The following KBTBD4 variants were observed in gnomAD, a reference collection of about 807,000 sequenced individuals.
KBTBD4 encodes the protein kelch repeat and BTB domain containing 4, also known as kelch repeat and BTB domain-containing protein 4.
A neutral mutation model predicts 43.9 loss-of-function variants in KBTBD4; 30 were observed. The observed-to-expected ratio is 0.68, with a 90% CI of 0.51 to 0.93. The LOEUF is 0.93. Ranked by LOEUF, KBTBD4 falls within the 40% of genes least tolerant of loss-of-function variation. The pLI is 0.00. For missense variants in KBTBD4, 575 were observed against 668.8 expected (o/e 0.86, Z 1.55); for synonymous variants, 258 against 256.9 (o/e 1.00, Z -0.04).
chr11:47,575,209 T>TAAAAA (rs751592990), intron 3 of KBTBD4, among the ~76,000 whole-genome samples: 2 of 91,250 alleles, frequency 2.2e-5, no homozygotes, highest in South Asian at 7.4e-4. Context: ...GAATCCGTCT[T>TAAAAA]AAAAAAAAAA....
chr11:47,575,562 G>A, intron 3 of KBTBD4, 31 bp downstream of exon 3: 1 of 1,325,786 alleles, frequency 7.5e-7, no homozygotes, highest in Non-Finnish European at 1.1e-6. Context: ...TGGAGAGTAT[G>A]CAGTCTCAAC....
chr11:47,574,553 A>G (rs2097255628), intron 3 of KBTBD4, among the ~76,000 whole-genome samples: 1 of 152,098 alleles, frequency 6.6e-6, no homozygotes, highest in East Asian at 1.9e-4. Flanking sequence ...TAATCTGGCC[A>G]TCAAAAAGAG....
In KBTBD4 at chr11:47,572,827, G is replaced by A; in HGVS notation, c.*103C>T. On this transcript the variant is annotated 3_prime_UTR_variant, in exon 4 of 4. Coordinates refer to ENST00000430070, the MANE Select transcript of KBTBD4 (RefSeq NM_018095.6). ...GAAGGGCTGAGGCACTGCCTTTCTAGTATGTGCCAAAAAAAACATAACTCT... is the reference window on the plus strand; with the variant it reads ...GAAGGGCTGAGGCACTGCCTTTCTAATATGTGCCAAAAAAAACATAACTCT... 2 of 1,281,892 alleles carry A rather than the reference G, an allele frequency of 1.6e-6. No individual in the cohort carries two copies. The highest frequency in any genetic ancestry group is 2.2e-6 in the Non-Finnish European group (2 of 929,952). 79.4% of individuals were successfully genotyped at this position (1,281,892 alleles called of 1,614,324 possible). A position where few individuals can be genotyped will look rare whatever the true frequency, so the allele number is the denominator to read the frequency against.
In KBTBD4 at chr11:47,573,524, G is replaced by A; in HGVS notation, c.1011C>T (p.His337=). The A allele has an allele frequency of 6.2e-7, 1 of 1,614,188 alleles. No homozygotes were observed. The highest frequency in any genetic ancestry group is 1.1e-5 in the South Asian group (1 of 91,086). The change falls in exon 4 of 4, where the codon CAC becomes CAT. Residue 337 remains histidine (H), a synonymous_variant. Transcript: ENST00000430070. The surrounding 1 kb of genome is among the most constrained non-coding windows in gnomAD (Gnocchi z 4.1). ...CTTTCCCGGGCACAGACACCAGGGT[G>A]TGCTGGAGCCGGTCCCGAGGCAAAG... The part of the protein sequence containing the change: ...CAPLPRDRLQ[H]TLVSVPGKDA...
intron 1 of KBTBD4, chr11:47,578,287 A>C: frequency 1.7e-6 from 1 of 589,528 alleles, no homozygotes; most frequent in Non-Finnish European, 3.0e-6. Context: ...ACACGGAATA[A>C]TTCCTTTCCA....
chr11:47,572,844 CAT>C lies in KBTBD4; in HGVS notation c.*84_*85del. 6.9e-7 allele frequency: 1 copy of C among 1,440,068 alleles called. No individual in the cohort carries two copies. 89.2% of individuals were successfully genotyped at this position (1,440,068 alleles called of 1,614,324 possible). A position where few individuals can be genotyped will look rare whatever the true frequency, so the allele number is the denominator to read the frequency against. ...CCTTTCTAGTATGTGCCAAAAAAAA[CAT>C]AACTCTGAATTGGGGCCCAGGGGAC... On this transcript the variant is annotated 3_prime_UTR_variant, in exon 4 of 4. Transcript: ENST00000430070.
In KBTBD4 at chr11:47,574,058, T is replaced by C. The variant is rs535809426; in HGVS notation, c.745-268A>G. Among the ~76,000 whole-genome samples the C allele has an allele frequency of 9.8e-5, 15 of 152,330 alleles. No individual in the cohort carries two copies. In the South Asian group the frequency reaches 1.9e-3, roughly 19 times the overall value. On this transcript the variant is annotated intron_variant, in intron 3 of 3. Transcript: ENST00000430070. ...ACAAAGGGTGATTAAGATTGTTAAC[T>C]TGATGACAGTAGTTCTCAAGGAACT...
At position 47,573,336 on chromosome 11, in the gene KBTBD4, C is replaced by A. The variant is rs201265377; in HGVS notation, c.1199G>T (p.Gly400Val). 2.5e-6 allele frequency: 4 copies of A among 1,614,104 alleles called. No individual in the cohort carries two copies. The highest frequency in any genetic ancestry group is 1.7e-5 in the Admixed American group (1 of 60,002). ...ANLNGIIYLL[G>V]GEENDLDFFT... is the part of the protein sequence containing the mutation. ...GAAGTCCAGATCATTCTCCTCCCCC[C>A]CTAGTAAGTAGATGATCCCGTTGAG... is the stretch of plus-strand genomic sequence containing the variant. The change falls in exon 4 of 4, where the codon GGG (glycine) becomes GTG (valine). Residue 400 changes from glycine (G) to valine (V), a missense_variant. Physicochemically the swap from Gly to Val is moderately radical, Grantham distance 109. Transcript: ENST00000430070. The surrounding 1 kb of genome is among the most constrained non-coding windows in gnomAD (Gnocchi z 4.1).
chr11:47,575,498 C>T, intron 3 of KBTBD4, 95 bp downstream of exon 3: 2 of 788,658 alleles, frequency 2.5e-6, no homozygotes, highest in East Asian at 2.6e-5. Flanking sequence ...CAGAGCAAGA[C>T]TCCATCTCAA....
chr11:47,573,240 A>AT lies in KBTBD4; in HGVS notation c.1294_1295insA (p.Val432AspfsTer14), dbSNP rs750736978. ...GTGCATGCGGCCTGCAAAGGGCAGC[A>AT]CATAGGGCTTCACATGGCATTTGTC... is the stretch of plus-strand genomic sequence containing the variant. On this transcript the variant is annotated frameshift_variant, in exon 4 of 4. Transcript: ENST00000430070. LOFTEE classifies it high-confidence loss of function. This position sits in a 1 kb window ranked among gnomAD's most constrained non-coding sequence, Gnocchi z 4.1. 1.2e-6 allele frequency: 2 copies of AT among 1,614,206 alleles called. No individual in the cohort carries two copies. Among genetic ancestry groups the AT allele is most frequent in the Admixed American group, 3.3e-5 (2 of 60,022 alleles).
intron 1 of KBTBD4, chr11:47,578,255 C>T: frequency 3.4e-6 from 2 of 593,002 alleles, no homozygotes; most frequent in South Asian, 2.1e-5. Context: ...AAAGTTCCAA[C>T]TCTGGGTGTT....
At chr11:47,574,992 ACTAT>A (rs1206935711) in intron 3 of KBTBD4, among the ~76,000 whole-genome samples, 3 of 151,990 alleles carry the variant, frequency 2.0e-5, no homozygotes, top group Non-Finnish European at 4.4e-5. Context: ...AGGCAGGCAG[ACTAT>A]CTGAGATCAG....
Position 47,572,750 on chromosome 11 carries a change from T to G in KBTBD4, c.*180A>C, listed in dbSNP as rs2097251407. 2 of 646,670 alleles carry G rather than the reference T, an allele frequency of 3.1e-6. No individual in the cohort carries two copies. Among genetic ancestry groups the G allele is most frequent in the East Asian group, 5.5e-5 (2 of 36,286 alleles). 40.1% of individuals were successfully genotyped at this position (646,670 alleles called of 1,614,324 possible). A position where few individuals can be genotyped will look rare whatever the true frequency, so the allele number is the denominator to read the frequency against. On this transcript the variant is annotated 3_prime_UTR_variant, in exon 4 of 4. Coordinates refer to ENST00000430070, the MANE Select transcript of KBTBD4 (RefSeq NM_018095.6). ...CCTACTGTCAGTTCAAGCAACCAGC[T>G]GAGCAGCAGCAGTCTAAAAAGCCCC...
rs146935371 is a variant in KBTBD4, at chr11:47,573,338, T to C, written c.1197A>G (p.Leu399=). The C allele has an allele frequency of 4.1e-5, 66 of 1,613,950 alleles. No homozygotes were observed. Among genetic ancestry groups the C allele is most frequent in the Non-Finnish European group, 5.6e-5 (66 of 1,179,878 alleles). The stretch of plus-strand genomic sequence containing the variant: ...AGTCCAGATCATTCTCCTCCCCCCC[T>C]AGTAAGTAGATGATCCCGTTGAGGT... ...GANLNGIIYL[L]GGEENDLDFF... is the part of the protein sequence containing the mutation. The change falls in exon 4 of 4, where the codon CTA becomes CTG. Residue 399 remains leucine, a synonymous_variant. Transcript: ENST00000430070. The surrounding 1 kb of genome is among the most constrained non-coding windows in gnomAD (Gnocchi z 4.1).
chr11:47,575,077 G>A (rs1377046273), intron 3 of KBTBD4, among the ~76,000 whole-genome samples: 7 of 151,878 alleles, frequency 4.6e-5, no homozygotes, highest in African/African-American at 1.7e-4. Flanking sequence ...TAGGCGTGGT[G>A]GCAGCACCTG....
At chr11:47,578,385 A>G (rs1565938289) in intron 1 of KBTBD4, 1 of 559,988 alleles carries the variant, frequency 1.8e-6, no homozygotes, top group Non-Finnish European at 3.1e-6. Flanking sequence ...CTTACTAACC[A>G]AATAACTGGG....
Position 47,577,454 on chromosome 11 carries a change from T to C in KBTBD4, c.594A>G (p.Glu198=). 1 of 1,609,630 alleles carries C rather than the reference T, an allele frequency of 6.2e-7. No individual in the cohort carries two copies. Among genetic ancestry groups the C allele is most frequent in the Non-Finnish European group, 8.5e-7 (1 of 1,176,330 alleles). ...THLAQLQNTE[E]FLHLPHRLLT... ...GTAAGCGGTGGGGCAAGTGGAGAAA[T>C]TCCTCTGTATTCTGCAGCTGGGCCA... The change falls in exon 2 of 4, where the codon GAA becomes GAG. Residue 198 remains glutamate (E), a synonymous_variant. Transcript: ENST00000430070.
At position 47,573,710 on chromosome 11, in the gene KBTBD4, A is replaced by G; in HGVS notation, c.825T>C (p.Cys275=). ...TTACACTGATGGAGTCATCTTCTGC[A>G]CAGTGCAAGGACACAGCCAACGAGT... ...RTHSLAVSLH[C]AEDDSISVSG... The change falls in exon 4 of 4, where the codon TGT becomes TGC. Residue 275 remains cysteine, a synonymous_variant. Transcript: ENST00000430070. The surrounding 1 kb of genome is among the most constrained non-coding windows in gnomAD (Gnocchi z 4.1). 1 of 1,607,446 alleles carries G rather than the reference A, an allele frequency of 6.2e-7. No individual in the cohort carries two copies. The highest frequency in any genetic ancestry group is 8.5e-7 in the Non-Finnish European group (1 of 1,179,980).
intron 2 of KBTBD4, 101 bp from the exon 3 acceptor site, chr11:47,575,800 G>A: frequency 2.8e-6 from 2 of 723,294 alleles, no homozygotes; most frequent in Non-Finnish European, 4.8e-6. Context: ...ACTACTGCTG[G>A]GCATGTGTAT....
Sources: allele counts gnomAD v4.1 joint callset (sites outside exome capture counted in the v4.1 genomes callset), GRCh38; gene constraint gnomAD v4.1.1; non-coding constraint Gnocchi (gnomAD v3.1); transcripts MANE v1.5; gene names NCBI Gene and HGNC (gene_info 2026-07-23, HGNC 2026-07-21).